IGSF3: variants seen among roughly 807,000 people sequenced by gnomAD.
The protein encoded by IGSF3 is immunoglobulin superfamily member 3.
In IGSF3, 23 loss-of-function variants were observed where a neutral mutation model predicts 114.4. The ratio of observed to expected loss-of-function variants is 0.20; its 90% CI spans 0.14 to 0.28. IGSF3 has a LOEUF of 0.28. Among genes scored for constraint, IGSF3 ranks in the 10% least tolerant of loss-of-function variants. IGSF3 has a pLI of 1.00. For missense variants in IGSF3, 1,172 were observed against 1,591.5 expected, an observed-to-expected ratio of 0.74 and a Z score of 4.48; for synonymous variants, 571 against 645.2, an observed-to-expected ratio of 0.88 and a Z score of 1.74.
chr1:116,579,766 G>A lies in IGSF3; in HGVS notation c.2960C>T (p.Ala987Val), dbSNP rs1194417864. ...AGTCCTCAGGGAATACCAGGCCACA[G>A]CGAAGCGGGAGTCCTGGCTGGAGCG... ...VSRSSQDSRF[A>V]VAWYSLRTKA... is the part of the protein sequence containing the mutation. The change falls in exon 10 of 11, where the codon GCT (alanine) becomes GTT (valine). Residue 987 changes from alanine (A) to valine (V), a missense_variant. By Grantham distance (64) the Ala-to-Val change is moderately conservative. Around this residue, in one of 3 missense-constraint regions of IGSF3, gnomAD observed 423 missense variants for 509.8 expected, o/e 0.83. Transcript: ENST00000369486. The surrounding 1 kb of genome is among the most constrained non-coding windows in gnomAD (Gnocchi z 6.4). The A allele has an allele frequency of 1.2e-6, 2 of 1,613,896 alleles. No individual in the cohort carries two copies. Among genetic ancestry groups the A allele is most frequent in the Non-Finnish European group, 1.7e-6 (2 of 1,179,968 alleles).
At position 116,616,346 on chromosome 1, in the gene IGSF3, T is replaced by G; in HGVS notation, c.155A>C (p.Glu52Ala). ...GTAAATGGACCACTGGAAATTCTGC[T>G]CAGAAGGTCCCTGGTAGCCACTCAC... ...CNVSGYQGPSEQNFQWSIYLP... is the reference protein window; with the variant it reads ...CNVSGYQGPSAQNFQWSIYLP... Residue 52 changes from glutamate (E) to alanine (A), a missense_variant, in exon 3 of 11, where the codon GAG becomes GCG. Physicochemically the swap from Glu to Ala is moderately radical, Grantham distance 107 (BLOSUM62 -1). Coordinates refer to ENST00000369486, the MANE Select transcript of IGSF3 (RefSeq NM_001007237.3). This position sits in a 1 kb window ranked among gnomAD's most constrained non-coding sequence, Gnocchi z 6.6. The G allele has an allele frequency of 6.2e-7, 1 of 1,612,178 alleles. No homozygotes were observed. The highest frequency in any genetic ancestry group is 8.5e-7 in the Non-Finnish European group (1 of 1,179,938).
At position 116,614,011 on chromosome 1, in the gene IGSF3, T is replaced by C. The variant is rs889314761; in HGVS notation, c.586A>G (p.Ile196Val). ...AGCATGAAATCTCGGCTCAGGGAGATGACCTCCACGGGCTTCTCGCCAACT... is the reference window on the plus strand; with the variant it reads ...AGCATGAAATCTCGGCTCAGGGAGACGACCTCCACGGGCTTCTCGCCAACT... ...QKVGEKPVEV[I>V]SLSRDFMLHS... The change falls in exon 4 of 11, where the codon ATC becomes GTC. Residue 196 changes from isoleucine to valine, a missense_variant. Physicochemically the swap from Ile to Val is conservative, Grantham distance 29 (BLOSUM62 3). This residue lies in a region of IGSF3 where 736 missense variants were observed against 1,042.0 expected (regional missense o/e 0.71). Coordinates refer to ENST00000369486, the MANE Select transcript of IGSF3 (RefSeq NM_001007237.3). This position sits in a 1 kb window ranked among gnomAD's most constrained non-coding sequence, Gnocchi z 4.5. 6.2e-7 allele frequency: 1 copy of C among 1,614,054 alleles called. No homozygotes were observed. Among genetic ancestry groups the C allele is most frequent in the Admixed American group, 1.7e-5 (1 of 60,014 alleles).
chr1:116,625,561 G>C lies in IGSF3; in HGVS notation c.44-9104C>G, dbSNP rs987393748. 6.6e-6 allele frequency among the ~76,000 whole-genome samples: 1 copy of C among 152,236 alleles called. No homozygotes were observed. Among genetic ancestry groups the C allele is most frequent in the African/African-American group, 2.4e-5 (1 of 41,454 alleles). ...GAAGTTGAGAAAGAGCCTAACAGAGGTAAGGAAGAAGACGGATCAGATTTA... is the reference window on the plus strand; with the variant it reads ...GAAGTTGAGAAAGAGCCTAACAGAGCTAAGGAAGAAGACGGATCAGATTTA... On this transcript the variant is annotated intron_variant, in intron 2 of 10. Transcript: ENST00000369486. The surrounding 1 kb of genome is among the most constrained non-coding windows in gnomAD (Gnocchi z 4.7).
In IGSF3 at chr1:116,638,154, T is replaced by C. The variant is rs764514071; in HGVS notation, c.44-21697A>G. Among the ~76,000 whole-genome samples, 1 of 152,196 alleles carries C rather than the reference T, an allele frequency of 6.6e-6. No homozygotes were observed. The highest frequency in any genetic ancestry group is 1.5e-5 in the Non-Finnish European group (1 of 68,026). On this transcript the variant is annotated intron_variant, in intron 2 of 10. Transcript: ENST00000369486. This position sits in a 1 kb window ranked among gnomAD's most constrained non-coding sequence, Gnocchi z 4.1. ...TACCCTCACTCTTTTTGTGGTTTCC[T>C]GCAGTCTAACTAGCTACAAATCTCA...
chr1:116,614,031 C>T lies in IGSF3; in HGVS notation c.566G>A (p.Gly189Asp), dbSNP rs1221491143. The T allele has an allele frequency of 6.2e-7, 1 of 1,614,118 alleles. No individual in the cohort carries two copies. The highest frequency in any genetic ancestry group is 1.7e-5 in the Admixed American group (1 of 60,028). The change falls in exon 4 of 11, where the codon GGC (glycine) becomes GAC (aspartate). Residue 189 changes from glycine to aspartate, a missense_variant. Physicochemically the swap from Gly to Asp is moderately conservative, Grantham distance 94. This residue lies in a region of IGSF3 where 736 missense variants were observed against 1,042.0 expected (regional missense o/e 0.71). Transcript: ENST00000369486. The surrounding 1 kb of genome is among the most constrained non-coding windows in gnomAD (Gnocchi z 4.5). ...LSVAWLRQKV[G>D]EKPVEVISLS... The stretch of plus-strand genomic sequence containing the variant: ...GGAGATGACCTCCACGGGCTTCTCG[C>T]CAACTTTCTGCCGGAGCCAGGCCAC...
rs772793511 is a variant in IGSF3 at position 116,666,348 on chromosome 1, CA to C, written c.-23del. 8 of 1,613,070 alleles carry C rather than the reference CA, an allele frequency of 5.0e-6. No individual in the cohort carries two copies. The African/African-American group carries it at 1.1e-4, about 22-fold the overall frequency. ...TCATGTCGGCAGCCTCCAGGAGACA[CA>C]ACACAAGGCGCTTCCTCTTCTCCCA... On this transcript the variant is annotated 5_prime_UTR_variant, in exon 2 of 11. Transcript: ENST00000369486.
Position 116,593,192 on chromosome 1 carries a change from G to T in IGSF3, c.2030-4088C>A, listed in dbSNP as rs1427270213. Among the ~76,000 whole-genome samples, 1 of 152,226 alleles carries T rather than the reference G, an allele frequency of 6.6e-6. No individual in the cohort carries two copies. Among genetic ancestry groups the T allele is most frequent in the Non-Finnish European group, 1.5e-5 (1 of 68,036 alleles). ...ATCACCTGGGAATCTGCCAGCCCCT[G>T]CTAAGTCAGAAAAACTGCGAGTAAG... On this transcript the variant is annotated intron_variant, in intron 7 of 10. Coordinates refer to ENST00000369486, the MANE Select transcript of IGSF3 (RefSeq NM_001007237.3). The surrounding 1 kb of genome is among the most constrained non-coding windows in gnomAD (Gnocchi z 4.5).
At position 116,613,978 on chromosome 1, in the gene IGSF3, T is replaced by C. The variant is rs547741844; in HGVS notation, c.619A>G (p.Ser207Gly). ...CTCTGCCTCTGGGCATATTCGCTGC[T>C]GGAGTGAAGCATGAAATCTCGGCTC... ...SLSRDFMLHS[S>G]SEYAQRQSLG... Residue 207 changes from serine to glycine, a missense_variant, in exon 4 of 11, where the codon AGC becomes GGC. Transcript: ENST00000369486. 9.3e-6 allele frequency: 15 copies of C among 1,613,908 alleles called. No individual in the cohort carries two copies. The highest frequency in any genetic ancestry group is 2.7e-5 in the African/African-American group (2 of 74,930).
chr1:116,611,326 T>G, intron 4 of IGSF3, among the ~76,000 whole-genome samples: 2 of 152,176 alleles, frequency 1.3e-5, no homozygotes, highest in East Asian at 3.9e-4. Flanking sequence ...CTGCCCAACA[T>G]AGTTGAAGCA....
rs1231807539 is a variant in IGSF3 at position 116,654,577 on chromosome 1, C to T, written c.43+11707G>A. On this transcript the variant is annotated intron_variant, in intron 2 of 10. Coordinates refer to ENST00000369486, the MANE Select transcript of IGSF3 (RefSeq NM_001007237.3). The surrounding 1 kb of genome is among the most constrained non-coding windows in gnomAD (Gnocchi z 4.4). ...CCAGGGCGCCCTCAGGGAGGCCACACTGCAGGAGGCAAAGTATGAGGTGGG... is the reference window on the plus strand; with the variant it reads ...CCAGGGCGCCCTCAGGGAGGCCACATTGCAGGAGGCAAAGTATGAGGTGGG... Among the ~76,000 whole-genome samples the T allele has an allele frequency of 3.3e-5, 5 of 152,190 alleles. No individual in the cohort carries two copies. Among genetic ancestry groups the T allele is most frequent in the Non-Finnish European group, 5.9e-5 (4 of 68,032 alleles).
intron 2 of IGSF3, among the ~76,000 whole-genome samples, chr1:116,646,171 G>A (rs1257111268): frequency 2.0e-5 from 3 of 152,208 alleles, no homozygotes; most frequent in South Asian, 2.1e-4. Flanking sequence ...AAAAGTCTCC[G>A]TGACACACTG....
rs899620983 is a variant in IGSF3 at position 116,585,118 on chromosome 1, C to T, written c.2441-66G>A. 2.3e-6 allele frequency: 3 copies of T among 1,292,490 alleles called. No individual in the cohort carries two copies. Among genetic ancestry groups the T allele is most frequent in the Non-Finnish European group, 2.1e-6 (2 of 948,262 alleles). The allele number at this position is 1,292,490 out of a possible 1,614,324, so 80.1% of individuals were successfully genotyped here. A position where few individuals can be genotyped will look rare whatever the true frequency, so the allele number is the denominator to read the frequency against. ...CAAGCAATTCGTACGCACCCTTTCC[C>T]AGGGTAGGTGAATGGATGCCTTCCA... On this transcript the variant is annotated intron_variant, in intron 8 of 10. Coordinates refer to ENST00000369486, the MANE Select transcript of IGSF3 (RefSeq NM_001007237.3). The surrounding 1 kb of genome is among the most constrained non-coding windows in gnomAD (Gnocchi z 4.9).
Position 116,649,796 on chromosome 1 carries a change from A to G in IGSF3, c.43+16488T>C, listed in dbSNP as rs143359592. 0.036 allele frequency among the ~76,000 whole-genome samples: 5,465 copies of G among 152,220 alleles called. 321 individuals carry two copies. The highest frequency in any genetic ancestry group is 0.12 in the African/African-American group (5,155 of 41,486). On this transcript the variant is annotated intron_variant, in intron 2 of 10. Coordinates refer to ENST00000369486, the MANE Select transcript of IGSF3 (RefSeq NM_001007237.3). The surrounding 1 kb of genome is among the most constrained non-coding windows in gnomAD (Gnocchi z 4.5). The stretch of plus-strand genomic sequence containing the variant: ...AAGCCTGTAATACTTTTCCGGCTGC[A>G]TAAGTCACGTGTCACCATATAAACT...
In IGSF3 at chr1:116,584,565, A is replaced by G. The variant is rs1659733114; in HGVS notation, c.2848+80T>C. ...ACTGCAAATAATTTATTAATAAACT[A>G]ATTTTATCCAGTGCATAAAACAGTA... On this transcript the variant is annotated intron_variant, in intron 9 of 10. Coordinates refer to ENST00000369486, the MANE Select transcript of IGSF3 (RefSeq NM_001007237.3). This position sits in a 1 kb window ranked among gnomAD's most constrained non-coding sequence, Gnocchi z 5.8. 1 of 1,312,590 alleles carries G rather than the reference A, an allele frequency of 7.6e-7. No homozygotes were observed. The highest frequency in any genetic ancestry group is 1.1e-6 in the Non-Finnish European group (1 of 923,026). 81.3% of individuals were successfully genotyped at this position (1,312,590 alleles called of 1,614,324 possible).
At chr1:116,604,612 T>A (rs896608677) in intron 5 of IGSF3, among the ~76,000 whole-genome samples, 1 of 152,100 alleles carries the variant, frequency 6.6e-6, no homozygotes, top group Non-Finnish European at 1.5e-5. Context: ...TTTTGCAGAG[T>A]GTGTGAGGAG....
rs1660511927 is a variant in IGSF3, at chr1:116,600,108, T to C, written c.1862A>G (p.Lys621Arg). ...SSFRTRTAIE[K>R]AESSNNVRLS... ...GCGGACGTTGTTGCTGGACTCAGCC[T>C]TCTCGATGGCAGTTCGGGTTCGGAA... Residue 621 changes from lysine to arginine, a missense_variant, in exon 7 of 11, where the codon AAG becomes AGG. Physicochemically the swap from Lys to Arg is conservative, Grantham distance 26. Around this residue, in one of 3 missense-constraint regions of IGSF3, gnomAD observed 736 missense variants for 1,042.0 expected, o/e 0.71. Transcript: ENST00000369486. The surrounding 1 kb of genome is among the most constrained non-coding windows in gnomAD (Gnocchi z 5.5). 1.2e-6 allele frequency: 2 copies of C among 1,614,180 alleles called. No homozygotes were observed. Among genetic ancestry groups the C allele is most frequent in the Non-Finnish European group, 1.7e-6 (2 of 1,180,020 alleles).
At chr1:116,626,656 A>G (rs1647300625) in intron 2 of IGSF3, among the ~76,000 whole-genome samples, 1 of 152,116 alleles carries the variant, frequency 6.6e-6, no homozygotes, top group African/African-American at 2.4e-5. Flanking sequence ...ACCCTATGCC[A>G]TGCTTGGAAC....
At chr1:116,641,495 C>CAAAAAAAAAAAAAAAAA (rs57930787) in intron 2 of IGSF3, among the ~76,000 whole-genome samples, 1 of 40,702 alleles carries the variant, frequency 2.5e-5, no homozygotes, top group Admixed American at 3.2e-4. Flanking sequence ...GACTCTGTCT[C>CAAAAAAAAAAAAAAAAA]AAAAAAAAAA....
At chr1:116,637,327 A>T (rs1338750804) in intron 2 of IGSF3, among the ~76,000 whole-genome samples, 2 of 152,316 alleles carry the variant, frequency 1.3e-5, no homozygotes, top group East Asian at 3.9e-4. Flanking sequence ...TTATTTATTC[A>T]ATGGACAACA....
Sources: gnomAD v4.1 joint callset for allele counts (sites outside exome capture counted in the v4.1 genomes callset) on GRCh38, gnomAD v4.1.1 for gene constraint, gnomAD v4.1.1 regional missense constraint, Gnocchi (gnomAD v3.1) non-coding constraint, MANE v1.5 for transcripts, NCBI Gene and HGNC (gene_info 2026-07-23, HGNC 2026-07-21) for gene names.